NDUFA10: variants seen among roughly 807,000 people sequenced by gnomAD.
NDUFA10 encodes the protein NADH:ubiquinone oxidoreductase subunit A10, also known as NADH dehydrogenase [ubiquinone] 1 alpha subcomplex subunit 10, mitochondrial.
NDUFA10 carries 40 observed loss-of-function variants against 47.8 expected under a neutral mutation model. The ratio of observed to expected loss-of-function variants is 0.84; its 90% CI spans 0.65 to 1.09. The LOEUF is 1.09. Ranked by LOEUF, NDUFA10 falls within the 50% of genes least tolerant of loss-of-function variation. The pLI is 0.00. For missense variants in NDUFA10, 413 were observed against 451.1 expected (o/e 0.92, Z 0.76); for synonymous variants, 183 against 172.2 (o/e 1.06, Z -0.49).
intron 3 of NDUFA10, among the ~76,000 whole-genome samples, chr2:240,019,320 T>G (rs1242749406): frequency 5.3e-5 from 8 of 152,116 alleles, no homozygotes; most frequent in African/African-American, 1.9e-4. Flanking sequence ...ACAGCAGACA[T>G]GCACTAAATA....
At chr2:239,969,264 A>C (rs965584439) in intron 9 of NDUFA10, among the ~76,000 whole-genome samples, 1 of 152,270 alleles carries the variant, frequency 6.6e-6, no homozygotes, top group Non-Finnish European at 1.5e-5. Context: ...AATGAAAAAC[A>C]TAAGGAGAGA....
intron 9 of NDUFA10, among the ~76,000 whole-genome samples, chr2:239,977,248 A>G (rs1376309119): frequency 6.6e-6 from 1 of 152,188 alleles, no homozygotes; most frequent in African/African-American, 2.4e-5. Flanking sequence ...AAAGTCACCC[A>G]TCCATTGGCA....
At chr2:239,907,338 C>G (rs1406970903) in intron 4 of NDUFA10, among the ~76,000 whole-genome samples, 1 of 152,180 alleles carries the variant, frequency 6.6e-6, no homozygotes, top group Admixed American at 6.5e-5. Context: ...TAGGCATGGG[C>G]AAGGACTTCA....
At chr2:239,914,866 T>A (rs1266869357) in intron 4 of NDUFA10, among the ~76,000 whole-genome samples, 2 of 111,110 alleles carry the variant, frequency 1.8e-5, no homozygotes, top group Non-Finnish European at 3.6e-5. Context: ...CAGAGAGACA[T>A]ACAGAGATAC....
intron 4 of NDUFA10, among the ~76,000 whole-genome samples, chr2:239,949,076 CAT>C (rs1694505349): frequency 6.6e-6 from 1 of 152,214 alleles, no homozygotes; most frequent in Admixed American, 6.5e-5. Flanking sequence ...GCAATGGACA[CAT>C]GTCCCTCTTT....
chr2:239,901,421 A>G (rs1202006088), intron 4 of NDUFA10, among the ~76,000 whole-genome samples: 2 of 152,130 alleles, frequency 1.3e-5, no homozygotes, highest in African/African-American at 4.8e-5. Flanking sequence ...TCTTTATAGC[A>G]TGATTCACGA....
intron 9 of NDUFA10, chr2:239,969,566 A>T: frequency 4.5e-6 from 2 of 441,850 alleles, no homozygotes; most frequent in Non-Finnish European, 9.4e-6. Flanking sequence ...CCTGACAGGC[A>T]TCTTTGGCTC....
intron 4 of NDUFA10, among the ~76,000 whole-genome samples, chr2:239,927,808 A>G (rs1448916121): frequency 6.6e-6 from 1 of 152,226 alleles, no homozygotes; most frequent in East Asian, 1.9e-4. Context: ...CAGCCGCCAC[A>G]GGTGGCAAAA....
At chr2:240,021,476 G>C (rs1361090895) in intron 2 of NDUFA10, 64 bp from the exon 3 acceptor site, 62 of 1,460,606 alleles carry the variant, frequency 4.2e-5, no homozygotes, top group Non-Finnish European at 5.8e-5. Context: ...GGGAGCAGTG[G>C]GGACTAGCCA....
intron 4 of NDUFA10, among the ~76,000 whole-genome samples, chr2:239,902,249 T>G (rs1314556379): frequency 6.6e-6 from 1 of 152,190 alleles, no homozygotes; most frequent in East Asian, 1.9e-4. Flanking sequence ...GCAAACTTCA[T>G]TGTTGTCTTA....
intron 4 of NDUFA10, among the ~76,000 whole-genome samples, chr2:239,950,375 G>A (rs949775631): frequency 1.3e-5 from 2 of 152,270 alleles, no homozygotes; most frequent in South Asian, 2.1e-4. Context: ...CAGGGCTCCC[G>A]ACCCACCACC....
At chr2:240,020,964 G>A (rs1697595965) in intron 3 of NDUFA10, 1 of 596,406 alleles carries the variant, frequency 1.7e-6, no homozygotes, top group South Asian at 2.0e-5. Context: ...AGTGCCTTGA[G>A]AATTCTATAC....
chr2:239,922,905 G>A (rs563893981), intron 4 of NDUFA10, among the ~76,000 whole-genome samples: 2 of 152,318 alleles, frequency 1.3e-5, no homozygotes, highest in Non-Finnish European at 2.9e-5. Context: ...CCATGAGGCT[G>A]CAAACCAAGG....
At chr2:239,947,990 C>G (rs571113313) in intron 4 of NDUFA10, among the ~76,000 whole-genome samples, 23 of 152,368 alleles carry the variant, frequency 1.5e-4, no homozygotes, top group African/African-American at 5.5e-4. Flanking sequence ...GCCCTTCAAG[C>G]TGGTCTTCCG....
chr2:239,974,671 T>C (rs182532331), intron 9 of NDUFA10, among the ~76,000 whole-genome samples: 159 of 152,230 alleles, frequency 1.0e-3, no homozygotes, highest in African/African-American at 3.1e-3. Flanking sequence ...CATTTAAAAA[T>C]ATGTGACACT....
chr2:239,925,486 T>A (rs1035457783), intron 4 of NDUFA10, among the ~76,000 whole-genome samples: 1 of 152,196 alleles, frequency 6.6e-6, no homozygotes, highest in African/African-American at 2.4e-5. Context: ...GCAAAAGAAA[T>A]GAACTGCGAC....
intron 9 of NDUFA10, chr2:239,983,774 G>A (rs1695889191): frequency 3.3e-6 from 5 of 1,526,648 alleles, no homozygotes; most frequent in African/African-American, 1.4e-5. Flanking sequence ...TACCTCACCA[G>A]CACTCCTTAT....
intron 7 of NDUFA10, among the ~76,000 whole-genome samples, chr2:240,006,515 C>A (rs1039272431): frequency 1.3e-5 from 2 of 152,212 alleles, no homozygotes; most frequent in African/African-American, 4.8e-5. Flanking sequence ...ACACGGGCAC[C>A]ACTCACACTT....
At chr2:239,999,697 C>T (rs1170040275) in intron 8 of NDUFA10, among the ~76,000 whole-genome samples, 3 of 152,222 alleles carry the variant, frequency 2.0e-5, no homozygotes, top group Non-Finnish European at 4.4e-5. Context: ...GTCAAATGTG[C>T]CATCTGTTTC....
Sources: allele counts gnomAD v4.1 joint callset (sites outside exome capture counted in the v4.1 genomes callset), GRCh38; gene constraint gnomAD v4.1.1; transcripts MANE v1.5; gene names NCBI Gene and HGNC (gene_info 2026-07-23, HGNC 2026-07-21).